Variants in ADAMTS12 observed in about 807,000 individuals in gnomAD.
ADAMTS12 encodes the protein A disintegrin and metalloproteinase with thrombospondin motifs 12.
In ADAMTS12, 118 loss-of-function variants were observed where a neutral mutation model predicts 167.8. That is an observed-to-expected ratio of 0.70 (90% CI 0.61 to 0.82). ADAMTS12 has a LOEUF of 0.82. Ranked by LOEUF, ADAMTS12 falls within the 40% of genes least tolerant of loss-of-function variation. The pLI, the probability that ADAMTS12 is intolerant of heterozygous loss-of-function variation, is 0.00. For missense variants in ADAMTS12, 1,916 were observed against 1,998.8 expected, an observed-to-expected ratio of 0.96 and a Z score of 0.79; for synonymous variants, 704 against 716.9, an observed-to-expected ratio of 0.98 and a Z score of 0.29.
chr5:33,544,539 A>T (rs1019422890), intron 22 of ADAMTS12, among the ~76,000 whole-genome samples: 14 of 152,220 alleles, frequency 9.2e-5, no homozygotes, highest in Admixed American at 9.2e-4. Context: ...ACCAAAAAAG[A>T]GCCTGCAGTG....
rs575782377 is a variant in ADAMTS12 at position 33,746,794 on chromosome 5, C to A, written c.634+4610G>T. On this transcript the variant is annotated intron_variant, in intron 3 of 23. Coordinates refer to ENST00000504830, the MANE Select transcript of ADAMTS12 (RefSeq NM_030955.4). Reference sequence around the variant, plus strand: ...TTGGCTGTTAGTAAGGAAAATTACTCTTCATAATGTAGCAGGCCTGATTTA... The same window carrying A: ...TTGGCTGTTAGTAAGGAAAATTACTATTCATAATGTAGCAGGCCTGATTTA... Among the ~76,000 whole-genome samples, 178 of 152,290 alleles carry A rather than the reference C, an allele frequency of 1.2e-3. 1 individual carries two copies. The highest frequency in any genetic ancestry group is 4.2e-3 in the African/African-American group (176 of 41,566).
intron 12 of ADAMTS12, 87 bp from the exon 13 acceptor site, chr5:33,631,000 A>G (rs1346621508): frequency 1.3e-6 from 2 of 1,509,518 alleles, no homozygotes; most frequent in African/African-American, 2.8e-5. Flanking sequence ...TAGGACCCCC[A>G]AGTGTCATTT....
At position 33,787,315 on chromosome 5, in the gene ADAMTS12, G is replaced by A. The variant is rs544485366; in HGVS notation, c.490-35767C>T. ...TAGAAGAAAGACAGGTTTGTAGATG[G>A]GAGAACATGGAGCTTCAAGAAAATT... On this transcript the variant is annotated intron_variant, in intron 2 of 23. Transcript: ENST00000504830. Among the ~76,000 whole-genome samples, 4 of 152,320 alleles carry A rather than the reference G, an allele frequency of 2.6e-5. No homozygotes were observed. In the East Asian group the frequency reaches 7.7e-4, roughly 29 times the overall value.
chr5:33,888,716 A>G (rs1021947771), intron 1 of ADAMTS12, among the ~76,000 whole-genome samples: 2 of 152,224 alleles, frequency 1.3e-5, no homozygotes, highest in Non-Finnish European at 2.9e-5. Context: ...TGTAAACAGC[A>G]TAGGGGTAAA....
intron 3 of ADAMTS12, among the ~76,000 whole-genome samples, chr5:33,708,100 G>T (rs1449203332): frequency 6.6e-6 from 1 of 151,874 alleles, no homozygotes; most frequent in Non-Finnish European, 1.5e-5. Context: ...AAATTTACAA[G>T]AAAAAAACAA....
At chr5:33,884,714 C>T (rs1750576973) in intron 1 of ADAMTS12, among the ~76,000 whole-genome samples, 1 of 152,226 alleles carries the variant, frequency 6.6e-6, no homozygotes, top group South Asian at 2.1e-4. Flanking sequence ...AAGTCCCACA[C>T]ATATGGTCTG....
intron 3 of ADAMTS12, among the ~76,000 whole-genome samples, chr5:33,694,225 C>T (rs1017230991): frequency 6.6e-6 from 1 of 152,180 alleles, no homozygotes; most frequent in Non-Finnish European, 1.5e-5. Flanking sequence ...AATGGTCATA[C>T]TGCCCAAAGC....
intron 3 of ADAMTS12, among the ~76,000 whole-genome samples, chr5:33,688,850 A>C (rs971616274): frequency 3.3e-5 from 5 of 151,868 alleles, no homozygotes; most frequent in African/African-American, 1.2e-4. Flanking sequence ...CTTATATCAG[A>C]TTTCCAACAG....
intron 19 of ADAMTS12, among the ~76,000 whole-genome samples, chr5:33,573,616 C>A (rs1306393): frequency 1.2e-4 from 19 of 152,188 alleles, no homozygotes; most frequent in African/African-American, 3.4e-4. Context: ...TAAAGACTTA[C>A]ATGTTAGACC....
intron 2 of ADAMTS12, among the ~76,000 whole-genome samples, chr5:33,760,914 TG>T (rs1745331233): frequency 6.8e-6 from 1 of 146,638 alleles, no homozygotes; most frequent in South Asian, 2.1e-4. Flanking sequence ...TGTGTGTGTG[TG>T]TGTGTGCGTA....
intron 5 of ADAMTS12, among the ~76,000 whole-genome samples, chr5:33,673,158 T>G (rs1741779814): frequency 1.3e-5 from 2 of 152,238 alleles, no homozygotes; most frequent in South Asian, 4.1e-4. Context: ...TTCTTACTCT[T>G]TGTCCACTTC....
chr5:33,637,330 C>A (rs568453155), intron 12 of ADAMTS12, among the ~76,000 whole-genome samples: 1 of 152,280 alleles, frequency 6.6e-6, no homozygotes, highest in African/African-American at 2.4e-5. Flanking sequence ...TGTTTTGAAG[C>A]AAGTCACCAT....
chr5:33,614,344 C>G lies in ADAMTS12; in HGVS notation c.2421G>C (p.Lys807Asn). 6.2e-7 allele frequency: 1 copy of G among 1,614,104 alleles called. No homozygotes were observed. The highest frequency in any genetic ancestry group is 8.5e-7 in the Non-Finnish European group (1 of 1,179,974). Residue 807 changes from lysine to asparagine, a missense_variant, in exon 16 of 24, where the codon AAG becomes AAC. Physicochemically the swap from Lys to Asn is moderately conservative, Grantham distance 94. Coordinates refer to ENST00000504830, the MANE Select transcript of ADAMTS12 (RefSeq NM_030955.4). ...CATCTTTCTGGATTGTGTACTCATA[C>G]TTGATGCCAGGGTTAGTCACCTGGA... Reference protein sequence around the residue: ...LLFQVTNPGIKYEYTIQKDGL... With the variant: ...LLFQVTNPGINYEYTIQKDGL...
At chr5:33,850,318 G>C (rs1749175111) in intron 2 of ADAMTS12, among the ~76,000 whole-genome samples, 1 of 152,162 alleles carries the variant, frequency 6.6e-6, no homozygotes, top group Non-Finnish European at 1.5e-5. Flanking sequence ...GGATTAATCA[G>C]ACCTCAGGGG....
intron 2 of ADAMTS12, among the ~76,000 whole-genome samples, chr5:33,760,998 G>T (rs1745336885): frequency 2.0e-5 from 3 of 151,792 alleles, no homozygotes; most frequent in Admixed American, 2.0e-4. Context: ...CCGACTAAAA[G>T]GAAGAGGAAA....
At chr5:33,645,593 G>A (rs947072011) in intron 9 of ADAMTS12, among the ~76,000 whole-genome samples, 12 of 151,798 alleles carry the variant, frequency 7.9e-5, no homozygotes, top group South Asian at 2.1e-4. Context: ...CCTTCTTTCC[G>A]AGGATTTCTT....
intron 17 of ADAMTS12, among the ~76,000 whole-genome samples, chr5:33,595,039 G>A (rs1747842880): frequency 6.6e-6 from 1 of 152,152 alleles, no homozygotes; most frequent in African/African-American, 2.4e-5. Context: ...AAGGTTGCCA[G>A]AGAATGAAGA....
intron 12 of ADAMTS12, among the ~76,000 whole-genome samples, chr5:33,634,331 C>A (rs574671723): frequency 1.3e-5 from 2 of 152,198 alleles, no homozygotes; most frequent in South Asian, 4.2e-4. Context: ...CTCTGTCTTG[C>A]AATTCTTAAA....
At chr5:33,598,299 A>C (rs1196635524) in intron 16 of ADAMTS12, among the ~76,000 whole-genome samples, 3 of 152,200 alleles carry the variant, frequency 2.0e-5, no homozygotes, top group Non-Finnish European at 4.4e-5. Flanking sequence ...ACCCCCTGAC[A>C]TTATAGGATA....
Sources: allele counts gnomAD v4.1 joint callset (sites outside exome capture counted in the v4.1 genomes callset), GRCh38; gene constraint gnomAD v4.1.1; transcripts MANE v1.5; gene names NCBI Gene and HGNC (gene_info 2026-07-23, HGNC 2026-07-21).